The following SAFB2 variants were observed in gnomAD, a reference collection of about 807,000 sequenced individuals.
The protein encoded by SAFB2 is scaffold attachment factor B2.
SAFB2 carries 32 observed loss-of-function variants against 100.6 expected under a neutral mutation model. That is an observed-to-expected ratio of 0.32 (90% CI 0.24 to 0.43). The LOEUF (loss-of-function observed/expected upper bound fraction) is 0.43. SAFB2 is among the 20% of genes least tolerant of loss of function. The probability of loss-of-function intolerance (pLI) is 1.00; values close to 1 mark genes in which losing one functional copy is unlikely to be tolerated. For synonymous variants in SAFB2, 500 were observed against 439.4 expected, an observed-to-expected ratio of 1.14 and a Z score of -1.72; for missense variants, 1,185 against 1,163.4, an observed-to-expected ratio of 1.02 and a Z score of -0.27.
At chr19:5,618,206 T>C (rs998834760) in intron 2 of SAFB2, among the ~76,000 whole-genome samples, 10 of 151,672 alleles carry the variant, frequency 6.6e-5, no homozygotes, top group Admixed American at 5.9e-4. Flanking sequence ...CTACTAAAAA[T>C]AGAAAAACAG....
chr19:5,602,632 T>C (rs1485213794), intron 11 of SAFB2, among the ~76,000 whole-genome samples: 6 of 151,930 alleles, frequency 3.9e-5, no homozygotes, highest in Non-Finnish European at 7.4e-5. Flanking sequence ...CTGTATCCTC[T>C]CCTACATAGA....
At chr19:5,596,246 G>A (rs1030781094) in intron 13 of SAFB2, among the ~76,000 whole-genome samples, 1 of 152,232 alleles carries the variant, frequency 6.6e-6, no homozygotes, top group Non-Finnish European at 1.5e-5. Context: ...CTGGGTGACA[G>A]AGCGGGACTC....
At chr19:5,615,982 G>A (rs1200881409) in intron 4 of SAFB2, 150 bp downstream of exon 4, 28 of 672,694 alleles carry the variant, frequency 4.2e-5, no homozygotes, top group South Asian at 5.6e-5. Flanking sequence ...GCTACACAGC[G>A]TTTAAATGGA....
Position 5,587,823 on chromosome 19 carries a change from A to G in SAFB2, c.2638+45T>C. 2 of 1,576,292 alleles carry G rather than the reference A, an allele frequency of 1.3e-6. No individual in the cohort carries two copies. The highest frequency in any genetic ancestry group is 1.2e-5 in the South Asian group (1 of 86,924). Reference sequence around the variant, plus strand: ...CGTTCCTGGGGAAGCCCCTGGACACATGTGGGGGCCACAGCCACCCTCGTC... The same window carrying G: ...CGTTCCTGGGGAAGCCCCTGGACACGTGTGGGGGCCACAGCCACCCTCGTC... On this transcript the variant is annotated intron_variant, in intron 19 of 20. Coordinates refer to ENST00000252542, the MANE Select transcript of SAFB2 (RefSeq NM_014649.3). This position sits in a 1 kb window ranked among gnomAD's most constrained non-coding sequence, Gnocchi z 4.9.
At chr19:5,621,484 A>G in intron 1 of SAFB2, 88 bp from the exon 2 acceptor site, 1 of 891,690 alleles carries the variant, frequency 1.1e-6, no homozygotes, top group Non-Finnish European at 1.9e-6. Flanking sequence ...CATGAAACAA[A>G]GGCAAACCCG....
chr19:5,615,136 C>T (rs745683908), intron 4 of SAFB2, among the ~76,000 whole-genome samples: 2 of 152,138 alleles, frequency 1.3e-5, no homozygotes, highest in African/African-American at 2.4e-5. Context: ...GGGCAGATCA[C>T]GACGTCAGGA....
At chr19:5,589,382 C>T (rs1341618066) in intron 18 of SAFB2, among the ~76,000 whole-genome samples, 1 of 152,118 alleles carries the variant, frequency 6.6e-6, no homozygotes, top group African/African-American at 2.4e-5. Context: ...CGGCACAGCA[C>T]CGAGTCAAAG....
intron 9 of SAFB2, among the ~76,000 whole-genome samples, chr19:5,607,915 G>T (rs1345480341): frequency 1.3e-5 from 2 of 152,236 alleles, no homozygotes; most frequent in Non-Finnish European, 2.9e-5. Flanking sequence ...AGGGACAGAA[G>T]ACTCTCCTGA....
rs1179951402 is a variant in SAFB2 at position 5,591,769 on chromosome 19, C to T, written c.2373G>A (p.Met791Ile). ...IDRREGSRPM[M>I]GDHRDGQHYG... ...TCACCTGCCCATCCCGGTGGTCTCC[C>T]ATCATTGGCCTCGAACCCTCCCGCC... Residue 791 changes from methionine to isoleucine, a missense_variant, in exon 17 of 21, where the codon ATG (methionine) becomes ATA (isoleucine). Met to Ile is a conservative substitution (Grantham distance 10). Transcript: ENST00000252542. 2 of 1,613,944 alleles carry T rather than the reference C, an allele frequency of 1.2e-6. No individual in the cohort carries two copies. The highest frequency in any genetic ancestry group is 1.7e-5 in the Admixed American group (1 of 59,992).
At chr19:5,616,374 C>A (rs768131196) in intron 3 of SAFB2, 39 bp from the exon 4 acceptor site, 1 of 1,613,974 alleles carries the variant, frequency 6.2e-7, no homozygotes, top group Non-Finnish European at 8.5e-7. Context: ...ACCACCTGGA[C>A]CAGGACAGGG....
At chr19:5,601,432 T>G (rs1430501859) in intron 11 of SAFB2, among the ~76,000 whole-genome samples, 1 of 152,172 alleles carries the variant, frequency 6.6e-6, no homozygotes, top group Non-Finnish European at 1.5e-5. Flanking sequence ...GTTTTTAGGC[T>G]GGTCGCGGTG....
Position 5,615,993 on chromosome 19 carries a change from C to T in SAFB2, c.543+139G>A, listed in dbSNP as rs2053019715. ...CTGAGCTACACAGCGTTTAAATGGA[C>T]ATGGTTTAACACCAGGGTGTAGAAG... On this transcript the variant is annotated intron_variant, in intron 4 of 20. Coordinates refer to ENST00000252542, the MANE Select transcript of SAFB2 (RefSeq NM_014649.3). 5 of 720,118 alleles carry T rather than the reference C, an allele frequency of 6.9e-6. No individual in the cohort carries two copies. The South Asian group carries it at 8.9e-5, about 13-fold the overall frequency. 44.6% of individuals were successfully genotyped at this position (720,118 alleles called of 1,614,324 possible).
At chr19:5,603,731 G>A (rs894204091) in intron 11 of SAFB2, among the ~76,000 whole-genome samples, 1 of 152,082 alleles carries the variant, frequency 6.6e-6, no homozygotes, top group African/African-American at 2.4e-5. Context: ...GAACTCACAG[G>A]GTGCCTTGGA....
At chr19:5,620,663 C>A (rs1305091681) in intron 2 of SAFB2, among the ~76,000 whole-genome samples, 5 of 152,156 alleles carry the variant, frequency 3.3e-5, no homozygotes, top group African/African-American at 9.7e-5. Context: ...TTGCCAGGGG[C>A]TGGAGGGAGA....
intron 15 of SAFB2, 109 bp from the exon 16 acceptor site, chr19:5,592,996 G>C (rs761414786): frequency 1.3e-5 from 13 of 978,798 alleles, no homozygotes; most frequent in Non-Finnish European, 1.7e-5. Context: ...ACCCAGTATC[G>C]TTTAAAATGT....
chr19:5,602,151 T>C (rs2052671828), intron 11 of SAFB2, among the ~76,000 whole-genome samples: 1 of 152,050 alleles, frequency 6.6e-6, no homozygotes, highest in Non-Finnish European at 1.5e-5. Context: ...CTCAACCTCC[T>C]AGGCAAACAA....
chr19:5,604,905 C>A lies in SAFB2; in HGVS notation c.1328G>T (p.Arg443Leu). 3 of 1,613,686 alleles carry A rather than the reference C, an allele frequency of 1.9e-6. No homozygotes were observed. Among genetic ancestry groups the A allele is most frequent in the Non-Finnish European group, 2.5e-6 (3 of 1,180,026 alleles). The change falls in exon 10 of 21, where the codon CGC (arginine) becomes CTC (leucine). Residue 443 changes from arginine to leucine, a missense_variant. Transcript: ENST00000252542. The stretch of plus-strand genomic sequence containing the variant: ...TCCATAGCATCGAGCCCCCGGGCTG[C>A]GGGCGTTCGTTACCACTTTGGCCCC... The part of the protein sequence containing the change: ...VVGAKVVTNA[R>L]SPGARCYGFV...
At chr19:5,612,700 T>G (rs533509557) in intron 5 of SAFB2, 133 bp from the exon 6 acceptor site, 1 of 702,024 alleles carries the variant, frequency 1.4e-6, no homozygotes, top group East Asian at 2.6e-5. Context: ...CTCCAAAAAA[T>G]GTATTCCATC....
In SAFB2 at chr19:5,616,392, G is replaced by T. The variant is rs754051501; in HGVS notation, c.339+30C>A. On this transcript the variant is annotated intron_variant, in intron 3 of 20. Transcript: ENST00000252542. ...ACCTGGACCAGGACAGGGAGCTGCT[G>T]CTTGTCATCTCTACCCTGACATCAC... 1.1e-5 allele frequency: 18 copies of T among 1,613,846 alleles called. No individual in the cohort carries two copies. In the East Asian group the frequency reaches 3.8e-4, roughly 34 times the overall value.
Sources: allele counts gnomAD v4.1 joint callset (sites outside exome capture counted in the v4.1 genomes callset), GRCh38; gene constraint gnomAD v4.1.1; non-coding constraint Gnocchi (gnomAD v3.1); transcripts MANE v1.5; gene names NCBI Gene and HGNC (gene_info 2026-07-23, HGNC 2026-07-21).